Variants in DPEP1 observed in about 807,000 individuals in gnomAD.
The protein encoded by DPEP1 is dipeptidase 1.
In DPEP1, 50 loss-of-function variants were observed where a neutral mutation model predicts 42.3. The ratio of observed to expected loss-of-function variants is 1.18; its 90% confidence interval spans 0.94 to 1.50. The LOEUF (loss-of-function observed/expected upper bound fraction) is 1.50, where lower values mean the gene tolerates loss of function less well. DPEP1 is among the 40% of genes most tolerant of loss of function. DPEP1 has a pLI of 0.00. For synonymous variants in DPEP1, 297 were observed against 234.0 expected, an observed-to-expected ratio of 1.27 and a Z score of -2.46; for missense variants, 663 against 553.0, an observed-to-expected ratio of 1.20 and a Z score of -1.99.
At chr16:89,615,205 A>G (rs2059369602) in intron 1 of DPEP1, among the ~76,000 whole-genome samples, 2 of 152,200 alleles carry the variant, frequency 1.3e-5, no homozygotes, top group African/African-American at 4.8e-5. Context: ...AGGGTCCCTC[A>G]GTCCCTGCTT....
chr16:89,629,362 C>T (rs1350429183), intron 1 of DPEP1, among the ~76,000 whole-genome samples: 3 of 152,122 alleles, frequency 2.0e-5, no homozygotes, highest in Middle Eastern at 3.4e-3. Flanking sequence ...ATTAGCCAGA[C>T]GTGGTGGTGC....
chr16:89,628,430 G>T (rs535239785), intron 1 of DPEP1, among the ~76,000 whole-genome samples: 4 of 142,914 alleles, frequency 2.8e-5, no homozygotes, highest in Admixed American at 2.1e-4. Context: ...GCTAATTTTT[G>T]TATTTTTAGT....
intron 2 of DPEP1, among the ~76,000 whole-genome samples, chr16:89,633,795 G>GAGGGAGCTGTCCTCAA (rs1310379948): frequency 5.0e-3 from 752 of 150,758 alleles, no homozygotes; most frequent in Middle Eastern, 0.014. Context: ...CTGAGGCACA[G>GAGGGAGCTGTCCTCAA]GGATGGGTCT....
intron 1 of DPEP1, chr16:89,626,359 T>C (rs2059511887): frequency 6.6e-6 from 1 of 152,118 alleles, no homozygotes; most frequent in Non-Finnish European, 1.5e-5. Context: ...GTGGTGGTGG[T>C]TTTTAAGACG....
At chr16:89,616,038 A>T (rs1236357542) in intron 1 of DPEP1, among the ~76,000 whole-genome samples, 1 of 151,768 alleles carries the variant, frequency 6.6e-6, no homozygotes, top group African/African-American at 2.4e-5. Context: ...ACACCACTGC[A>T]CTCCAGCCTG....
downstream of DPEP1, among the ~76,000 whole-genome samples, chr16:89,638,706 A>ACC (rs1179489537): frequency 3.2e-5 from 2 of 62,260 alleles, no homozygotes; most frequent in Non-Finnish European, 6.3e-5. Flanking sequence ...ACACACACAC[A>ACC]CACCGCACCC....
chr16:89,638,379 G>A lies in DPEP1; in HGVS notation c.*157G>A. The A allele has an allele frequency of 1.4e-6, 2 of 1,411,622 alleles. No homozygotes were observed. The highest frequency in any genetic ancestry group is 3.1e-5 in the Admixed American group (1 of 32,006). 87.4% of individuals were successfully genotyped at this position (1,411,622 alleles called of 1,614,324 possible). ...TTACCTGGGGGGCAGGATGCCTGGGGACAGTTCAGGACACACACACAGTAG... is the reference window on the plus strand; with the variant it reads ...TTACCTGGGGGGCAGGATGCCTGGGAACAGTTCAGGACACACACACAGTAG... On this transcript the variant is annotated 3_prime_UTR_variant, in exon 11 of 11. Transcript: ENST00000690203.
intron 1 of DPEP1, among the ~76,000 whole-genome samples, chr16:89,625,136 G>A (rs528780228): frequency 2.0e-5 from 3 of 151,966 alleles, no homozygotes; most frequent in Non-Finnish European, 4.4e-5. Flanking sequence ...TGGATTCAGC[G>A]TGCTTTGGCC....
In DPEP1 at chr16:89,626,072, C is replaced by G. The variant is rs76317501; in HGVS notation, c.-106-4233C>G. On this transcript the variant is annotated intron_variant, in intron 1 of 10. Transcript: ENST00000690203. ...AGACATGTGCCTCCCTCTACCTGCCCCCCGTCCTCCCGCCACTGTGAGGCC... is the reference window on the plus strand; with the variant it reads ...AGACATGTGCCTCCCTCTACCTGCCGCCCGTCCTCCCGCCACTGTGAGGCC... 0.024 allele frequency among the ~76,000 whole-genome samples: 3,656 copies of G among 152,272 alleles called. 634 individuals are homozygous for G. In the East Asian group the frequency reaches 0.49, roughly 20 times the overall value.
intron 1 of DPEP1, among the ~76,000 whole-genome samples, chr16:89,624,009 C>T (rs181823763): frequency 8.5e-5 from 13 of 152,248 alleles, no homozygotes; most frequent in East Asian, 1.9e-4. Context: ...CATGCACAGA[C>T]GGACTGTGGT....
chr16:89,640,069 G>A (rs2059732419), downstream of DPEP1, among the ~76,000 whole-genome samples: 1 of 152,218 alleles, frequency 6.6e-6, no homozygotes, highest in Admixed American at 6.5e-5. Context: ...CGACCACAGG[G>A]ACAGACGTGG....
intron 1 of DPEP1, among the ~76,000 whole-genome samples, chr16:89,615,735 G>A (rs553744217): frequency 3.3e-5 from 5 of 152,330 alleles, no homozygotes; most frequent in Non-Finnish European, 2.9e-5. Context: ...ACGGAGGCAC[G>A]TTGGGATTTG....
rs769717319 is a variant in DPEP1, at chr16:89,636,057, C to T, written c.237+17C>T. ...GGAGGCCAGGTACCGCCTGCCCTGCCTTGTGCTTGCCCTGTGTGGGGTCAT... is the reference window on the plus strand; with the variant it reads ...GGAGGCCAGGTACCGCCTGCCCTGCTTTGTGCTTGCCCTGTGTGGGGTCAT... On this transcript the variant is annotated intron_variant, in intron 3 of 10. Transcript: ENST00000690203. 1 of 1,598,410 alleles carries T rather than the reference C, an allele frequency of 6.3e-7. No individual in the cohort carries two copies. Among genetic ancestry groups the T allele is most frequent in the Admixed American group, 1.7e-5 (1 of 58,818 alleles).
At chr16:89,632,412 G>A (rs1185397938) in intron 2 of DPEP1, among the ~76,000 whole-genome samples, 1 of 152,228 alleles carries the variant, frequency 6.6e-6, no homozygotes, top group African/African-American at 2.4e-5. Flanking sequence ...GCCACCGCCA[G>A]CGACACAGGG....
chr16:89,639,909 C>G (rs1256064160), downstream of DPEP1, among the ~76,000 whole-genome samples: 1 of 125,596 alleles, frequency 8.0e-6, no homozygotes, highest in Non-Finnish European at 1.7e-5. Flanking sequence ...ACCCCGACCT[C>G]AGGTGATCCG....
chr16:89,640,201 G>T (rs976366782), downstream of DPEP1, among the ~76,000 whole-genome samples: 1 of 152,304 alleles, frequency 6.6e-6, no homozygotes. Context: ...GACCCCCCAC[G>T]CTGCTGCTGC....
downstream of DPEP1, among the ~76,000 whole-genome samples, chr16:89,638,721 A>ACACACACACCGCACCCCTG (rs2059716270): frequency 9.5e-6 from 1 of 104,776 alleles, no homozygotes; most frequent in African/African-American, 4.1e-5. Flanking sequence ...GCACCCCTGC[A>ACACACACACCGCACCCCTG]CACACACACA....
intron 1 of DPEP1, among the ~76,000 whole-genome samples, chr16:89,617,946 C>T (rs1181374935): frequency 6.6e-6 from 1 of 152,136 alleles, no homozygotes; most frequent in Non-Finnish European, 1.5e-5. Flanking sequence ...ATCACTTGAA[C>T]CTGGGAGACG....
chr16:89,628,476 T>C (rs904463975), intron 1 of DPEP1, among the ~76,000 whole-genome samples: 12 of 151,298 alleles, frequency 7.9e-5, no homozygotes, highest in African/African-American at 2.7e-4. Context: ...CAGGCTGATC[T>C]CGAACTCCTG....
Sources: allele counts gnomAD v4.1 joint callset (sites outside exome capture counted in the v4.1 genomes callset), GRCh38; gene constraint gnomAD v4.1.1; transcripts MANE v1.5; gene names NCBI Gene and HGNC (gene_info 2026-07-23, HGNC 2026-07-21).